FABP12: variants seen among roughly 807,000 people sequenced by gnomAD.
The protein encoded by FABP12 is fatty acid binding protein 12, also known as fatty acid-binding protein 12.
Under a neutral mutation model 13.7 loss-of-function variants are expected in FABP12, and 19 were observed. The ratio of observed to expected loss-of-function variants is 1.39; its 90% CI spans 0.97 to 2.04. The LOEUF (loss-of-function observed/expected upper bound fraction) is 2.04. FABP12 is among the 30% of genes most tolerant of loss of function. The pLI is 0.00. For missense variants in FABP12, 182 were observed against 164.2 expected (o/e 1.11, Z -0.59); for synonymous variants, 61 against 57.0 (o/e 1.07, Z -0.32).
intron 1 of FABP12, among the ~76,000 whole-genome samples, chr8:81,562,738 C>A (rs191766170): frequency 0.011 from 1,666 of 152,156 alleles, 26 homozygotes; most frequent in African/African-American, 0.037. Context: ...GGCTTGGGTG[C>A]CAGCTTAGCT....
chr8:81,544,788 A>G (rs1398851016), intron 1 of FABP12, among the ~76,000 whole-genome samples: 1 of 152,206 alleles, frequency 6.6e-6, no homozygotes, highest in African/African-American at 2.4e-5. Context: ...AGAGAGAAGT[A>G]TGTAATCAAA....
rs1371195851 is a variant in FABP12, at chr8:81,573,257, C to G, written c.-185+16796G>C. ...TTGCTTTGTCAAAGATCAGTTGGCT[C>G]TAAGTATTTGGGTTTATTTCTGTGT... On this transcript the variant is annotated intron_variant, in intron 1 of 5. Coordinates refer to the FABP12 transcript ENST00000692030. Among the ~76,000 whole-genome samples, 42 of 151,870 alleles carry G rather than the reference C, an allele frequency of 2.8e-4. 1 individual carries two copies. The highest frequency in any genetic ancestry group is 1.3e-4 in the Admixed American group (2 of 15,244).
Position 81,578,823 on chromosome 8 carries a change from G to GTTTCTTTTTTTTTT in FABP12, c.-185+11229_-185+11230insAAAAAAAAAAGAAA, listed in dbSNP as rs71268012. On this transcript the variant is annotated intron_variant, in intron 1 of 5. Coordinates refer to the FABP12 transcript ENST00000692030. The stretch of plus-strand genomic sequence containing the variant: ...TACAGAATCTGACACATTTGTTCAA[G>GTTTCTTTTTTTTTT]TTTTTTTTTTTTTTTTTTTGAGAAG... 1.6e-3 allele frequency among the ~76,000 whole-genome samples: 171 copies of GTTTCTTTTTTTTTT among 105,642 alleles called. 23 individuals carry two copies. Among genetic ancestry groups the GTTTCTTTTTTTTTT allele is most frequent in the African/African-American group, 4.2e-3 (103 of 24,598 alleles). 69.3% of individuals were successfully genotyped at this position (105,642 alleles called of 152,430 possible).
upstream of FABP12, among the ~76,000 whole-genome samples, chr8:81,535,651 G>C (rs902498602): frequency 2.6e-5 from 4 of 152,138 alleles, no homozygotes; most frequent in Non-Finnish European, 5.9e-5. Flanking sequence ...TCAGACCCGA[G>C]GCTGTCAGAA....
At chr8:81,538,571 A>G (rs748573335), upstream of FABP12, among the ~76,000 whole-genome samples, 2 of 152,200 alleles carry the variant, frequency 1.3e-5, no homozygotes, top group African/African-American at 2.4e-5. Flanking sequence ...GCAATTGACG[A>G]GCTGCCATAA....
At chr8:81,571,774 G>A (rs2130075496) in intron 1 of FABP12, among the ~76,000 whole-genome samples, 1 of 152,200 alleles carries the variant, frequency 6.6e-6, no homozygotes. Context: ...TCACTGAAAC[G>A]ACTAACAACC....
intron 4 of FABP12, 56 bp from the exon 5 acceptor site, chr8:81,525,176 A>T: frequency 8.5e-7 from 1 of 1,170,816 alleles, no homozygotes. Context: ...ATTAACATTT[A>T]GAAAAGTGCA....
intron 1 of FABP12, among the ~76,000 whole-genome samples, chr8:81,589,930 C>A (rs965776205): frequency 2.0e-5 from 3 of 152,114 alleles, no homozygotes. Context: ...CACTGAAATT[C>A]CAACATGAAA....
intron 1 of FABP12, among the ~76,000 whole-genome samples, chr8:81,580,259 T>C (rs1315272806): frequency 6.6e-6 from 1 of 152,232 alleles, no homozygotes; most frequent in Non-Finnish European, 1.5e-5. Context: ...ATTACAAATA[T>C]ATGTAATTTG....
At chr8:81,583,594 G>A (rs868029581) in intron 1 of FABP12, among the ~76,000 whole-genome samples, 10 of 152,082 alleles carry the variant, frequency 6.6e-5, no homozygotes, top group African/African-American at 2.2e-4. Flanking sequence ...AAAGACTGGG[G>A]GAAATGAATA....
At chr8:81,526,034 C>T (rs73275480) in intron 4 of FABP12, 1 of 152,062 alleles carries the variant, frequency 6.6e-6, no homozygotes, top group Non-Finnish European at 1.5e-5. Flanking sequence ...TCCTAATGAA[C>T]TATAAAAGCT....
chr8:81,545,237 T>C (rs1809418218), intron 1 of FABP12, among the ~76,000 whole-genome samples: 1 of 152,170 alleles, frequency 6.6e-6, no homozygotes. Flanking sequence ...TGGCAGAGAC[T>C]AGGACTGTCA....
intron 1 of FABP12, among the ~76,000 whole-genome samples, chr8:81,582,319 C>T (rs1810177407): frequency 6.6e-6 from 1 of 151,730 alleles, no homozygotes; most frequent in Non-Finnish European, 1.5e-5. Flanking sequence ...GACAAGGTTT[C>T]ACTATGTTGG....
intron 1 of FABP12, among the ~76,000 whole-genome samples, chr8:81,565,013 C>T (rs2130055899): frequency 6.6e-6 from 1 of 151,458 alleles, no homozygotes; most frequent in African/African-American, 2.4e-5. Context: ...CCAATGGAAA[C>T]CAAAACAGAG....
chr8:81,559,164 C>G (rs1809673338), intron 1 of FABP12, among the ~76,000 whole-genome samples: 1 of 152,166 alleles, frequency 6.6e-6, no homozygotes, highest in South Asian at 2.1e-4. Flanking sequence ...TCAATGTATT[C>G]CTTTAAACAC....
intron 1 of FABP12, among the ~76,000 whole-genome samples, chr8:81,584,721 G>A (rs555198235): frequency 3.3e-5 from 5 of 152,246 alleles, no homozygotes; most frequent in African/African-American, 4.8e-5. Context: ...AGGAACCTCC[G>A]TACTGTTCTT....
chr8:81,577,536 A>T (rs902740471), intron 1 of FABP12, among the ~76,000 whole-genome samples: 6 of 152,148 alleles, frequency 3.9e-5, no homozygotes, highest in Non-Finnish European at 7.3e-5. Flanking sequence ...AGGTGGGCAG[A>T]TCACTTGAGG....
chr8:81,573,216 C>T (rs934734536), intron 1 of FABP12, among the ~76,000 whole-genome samples: 9 of 152,138 alleles, frequency 5.9e-5, no homozygotes, highest in Non-Finnish European at 1.3e-4. Flanking sequence ...GTCCTTTTCC[C>T]ACTTTATGCT....
At chr8:81,543,960 C>A (rs968373088) in intron 1 of FABP12, among the ~76,000 whole-genome samples, 1 of 152,018 alleles carries the variant, frequency 6.6e-6, no homozygotes, top group Non-Finnish European at 1.5e-5. Flanking sequence ...CAGGTTAGTA[C>A]ATTTACAGTG....
Sources: allele counts gnomAD v4.1 joint callset (sites outside exome capture counted in the v4.1 genomes callset), GRCh38; gene constraint gnomAD v4.1.1; transcripts MANE v1.5; gene names NCBI Gene and HGNC (gene_info 2026-07-23, HGNC 2026-07-21).